Variants in GALNT17 observed in about 807,000 individuals in gnomAD.
GALNT17 encodes the protein UDP-GalNAc:polypeptide N-acetylgalactosaminyltransferase-like 3.
A neutral mutation model predicts 63.7 loss-of-function variants in GALNT17; 29 were observed. The ratio of observed to expected loss-of-function variants is 0.46; its 90% confidence interval spans 0.34 to 0.62. The LOEUF (loss-of-function observed/expected upper bound fraction) is 0.62. GALNT17 is among the 20% of genes least tolerant of loss of function. The pLI is 0.01. For synonymous variants in GALNT17, 305 were observed against 318.3 expected (o/e 0.96, Z 0.45); for missense variants, 603 against 799.6 (o/e 0.75, Z 2.97).
At chr7:71,319,652 C>T (rs1791567753) in intron 1 of GALNT17, among the ~76,000 whole-genome samples, 3 of 152,188 alleles carry the variant, frequency 2.0e-5, no homozygotes. Flanking sequence ...CCCAACCAAA[C>T]TCTTGATTCC....
chr7:71,150,136 A>C (rs1439679824), intron 1 of GALNT17, among the ~76,000 whole-genome samples: 2 of 152,032 alleles, frequency 1.3e-5, no homozygotes, highest in African/African-American at 2.4e-5. Flanking sequence ...CACCATCCTG[A>C]TCTGTGCCAC....
chr7:71,693,303 C>CATATATATATATATATATAT (rs1214195779), intron 9 of GALNT17, among the ~76,000 whole-genome samples: 4 of 121,988 alleles, frequency 3.3e-5, no homozygotes, highest in East Asian at 1.1e-3. Flanking sequence ...CACACACACA[C>CATATATATATATATATATAT]ACACACATAT....
intron 1 of GALNT17, among the ~76,000 whole-genome samples, chr7:71,247,854 A>G (rs1029350943): frequency 6.6e-6 from 1 of 152,258 alleles, no homozygotes; most frequent in Non-Finnish European, 1.5e-5. Context: ...TTCTTACAAT[A>G]AAGGCGAGCT....
intron 6 of GALNT17, among the ~76,000 whole-genome samples, chr7:71,599,457 C>T (rs573428030): frequency 2.0e-5 from 3 of 152,262 alleles, no homozygotes; most frequent in Admixed American, 2.0e-4. Flanking sequence ...CTAGTGTCTC[C>T]AGCAGCCCCA....
At chr7:71,185,187 C>T (rs1054671585) in intron 1 of GALNT17, among the ~76,000 whole-genome samples, 1 of 141,090 alleles carries the variant, frequency 7.1e-6, no homozygotes, top group Admixed American at 7.2e-5. Flanking sequence ...CTTCCTCTCT[C>T]TGTCTCTCTC....
chr7:71,670,070 A>G lies in GALNT17; in HGVS notation c.1365A>G (p.Pro455=). 1 of 1,614,218 alleles carries G rather than the reference A, an allele frequency of 6.2e-7. No individual in the cohort carries two copies. The highest frequency in any genetic ancestry group is 8.5e-7 in the Non-Finnish European group (1 of 1,180,034). The change falls in exon 8 of 11, where the codon CCA becomes CCG. Residue 455 remains proline (P), a synonymous_variant. Transcript: ENST00000333538. ...NFQWYLDHVY[P]EMRRYNNTVA... ...AGTGGTACCTGGACCATGTTTACCC[A>G]GAAATGAGAAGATACAATAATACCG...
At chr7:71,648,055 C>G (rs1790705302) in intron 6 of GALNT17, among the ~76,000 whole-genome samples, 1 of 152,214 alleles carries the variant, frequency 6.6e-6, no homozygotes, top group Admixed American at 6.5e-5. Context: ...CAGTCATTAT[C>G]TCCAACCTGC....
At chr7:71,144,975 A>G (rs920270884) in intron 1 of GALNT17, among the ~76,000 whole-genome samples, 8 of 151,994 alleles carry the variant, frequency 5.3e-5, no homozygotes, top group Non-Finnish European at 7.4e-5. Context: ...TGATTTGCCC[A>G]CCTTGGCCTC....
chr7:71,193,066 CATTTATTTATTTATTTATTTATTT>C (rs138751530), intron 1 of GALNT17, among the ~76,000 whole-genome samples: 1 of 140,590 alleles, frequency 7.1e-6, no homozygotes. Context: ...CATCATCTAC[CATTTATTTATTTATTTATTTATTT>C]ATTTATTTAT....
chr7:71,528,403 C>G (rs569839857), intron 5 of GALNT17, among the ~76,000 whole-genome samples: 1 of 152,144 alleles, frequency 6.6e-6, no homozygotes, highest in African/African-American at 2.4e-5. Flanking sequence ...GTGGCATAAC[C>G]AGTGACCCCA....
intron 2 of GALNT17, among the ~76,000 whole-genome samples, chr7:71,359,198 G>A (rs7810482): frequency 0.15 from 23,453 of 152,220 alleles, 2,067 homozygotes; most frequent in East Asian, 0.29. Context: ...AAAGAAAAGA[G>A]GTCTAACTGG....
At chr7:71,589,777 A>G (rs1789771674) in intron 6 of GALNT17, among the ~76,000 whole-genome samples, 2 of 152,206 alleles carry the variant, frequency 1.3e-5, no homozygotes, top group Admixed American at 1.3e-4. Flanking sequence ...TAATAAATAG[A>G]ACAGCCGGAA....
At chr7:71,593,833 CAGAA>C (rs1789848041) in intron 6 of GALNT17, among the ~76,000 whole-genome samples, 2 of 152,158 alleles carry the variant, frequency 1.3e-5, no homozygotes, top group African/African-American at 4.8e-5. Context: ...CTCCATGTGA[CAGAA>C]ATGGAAAGAA....
In GALNT17 at chr7:71,484,913, C is replaced by T. The variant is rs530201018; in HGVS notation, c.962+63808C>T. 1.8e-3 allele frequency among the ~76,000 whole-genome samples: 265 copies of T among 148,516 alleles called. 4 individuals are homozygous for T. The highest frequency in any genetic ancestry group is 3.0e-3 in the Non-Finnish European group (203 of 67,544). On this transcript the variant is annotated intron_variant, in intron 5 of 10. Coordinates refer to ENST00000333538, the MANE Select transcript of GALNT17 (RefSeq NM_022479.3). ...TCCTGGGTTCAAGCAGTTCTCCTAC[C>T]TCAACCTCCCAAGTAGCTGGGATTA...
intron 5 of GALNT17, among the ~76,000 whole-genome samples, chr7:71,477,653 C>T (rs986092331): frequency 2.6e-5 from 4 of 152,084 alleles, no homozygotes; most frequent in Non-Finnish European, 5.9e-5. Flanking sequence ...CGCATCACTG[C>T]ACTCCGGCCT....
At chr7:71,655,621 T>G (rs898140844) in intron 6 of GALNT17, among the ~76,000 whole-genome samples, 1 of 152,184 alleles carries the variant, frequency 6.6e-6, no homozygotes, top group Non-Finnish European at 1.5e-5. Context: ...GAAGAATGCA[T>G]GTGCCTGACT....
At chr7:71,486,874 CAAAA>C (rs1290382542) in intron 5 of GALNT17, among the ~76,000 whole-genome samples, 5 of 147,556 alleles carry the variant, frequency 3.4e-5, no homozygotes, top group Non-Finnish European at 6.0e-5. Context: ...AAAAAAAAAA[CAAAA>C]AAAAACGCAC....
At chr7:71,477,665 G>C (rs965660853) in intron 5 of GALNT17, among the ~76,000 whole-genome samples, 4 of 151,964 alleles carry the variant, frequency 2.6e-5, no homozygotes, top group Non-Finnish European at 5.9e-5. Flanking sequence ...CTCCGGCCTG[G>C]GCAACAGGCC....
chr7:71,236,210 A>G (rs978497092), intron 1 of GALNT17, among the ~76,000 whole-genome samples: 6 of 151,902 alleles, frequency 3.9e-5, no homozygotes, highest in Non-Finnish European at 7.4e-5. Context: ...AAAAAATAAA[A>G]ATCTACTCTC....
Sources: allele counts gnomAD v4.1 joint callset (sites outside exome capture counted in the v4.1 genomes callset), GRCh38; gene constraint gnomAD v4.1.1; transcripts MANE v1.5; gene names NCBI Gene and HGNC (gene_info 2026-07-23, HGNC 2026-07-21).